Variants in R3HCC1L observed in about 807,000 individuals in gnomAD.
The protein encoded by R3HCC1L is R3H domain and coiled-coil containing 1 like, also known as coiled-coil domain-containing protein R3HCC1L.
R3HCC1L carries 51 observed loss-of-function variants against 59.9 expected under a neutral mutation model. The observed-to-expected ratio is 0.85, with a 90% CI of 0.68 to 1.07. The LOEUF (loss-of-function observed/expected upper bound fraction) is 1.07. Ranked by LOEUF, R3HCC1L falls within the 50% of genes least tolerant of loss-of-function variation. The pLI is 0.00. For synonymous variants in R3HCC1L, 322 were observed against 315.2 expected, an observed-to-expected ratio of 1.02 and a Z score of -0.23; for missense variants, 965 against 933.0, an observed-to-expected ratio of 1.03 and a Z score of -0.45.
At chr10:98,169,050 A>G (rs1158190573) in intron 4 of R3HCC1L, among the ~76,000 whole-genome samples, 1 of 152,208 alleles carries the variant, frequency 6.6e-6, no homozygotes, top group African/African-American at 2.4e-5. Context: ...GAAGTTTCAG[A>G]GACAACAGTG....
chr10:98,144,967 A>C (rs1211925282), intron 1 of R3HCC1L, among the ~76,000 whole-genome samples: 3 of 152,246 alleles, frequency 2.0e-5, no homozygotes, highest in Non-Finnish European at 4.4e-5. Flanking sequence ...TGAGACAAAC[A>C]AGTGATCTTA....
intron 5 of R3HCC1L, among the ~76,000 whole-genome samples, chr10:98,217,832 T>C (rs1854391563): frequency 6.6e-6 from 1 of 152,130 alleles, no homozygotes; most frequent in Non-Finnish European, 1.5e-5. Context: ...AGTGTGCTAT[T>C]GGTGTACAGA....
At chr10:98,137,903 T>C (rs1411962734) in intron 1 of R3HCC1L, among the ~76,000 whole-genome samples, 1 of 152,190 alleles carries the variant, frequency 6.6e-6, no homozygotes, top group East Asian at 1.9e-4. Flanking sequence ...TTATTTTTTT[T>C]AAGCCAGACT....
intron 7 of R3HCC1L, among the ~76,000 whole-genome samples, chr10:98,234,788 G>T (rs1856740751): frequency 6.6e-6 from 1 of 152,188 alleles, no homozygotes; most frequent in Admixed American, 6.5e-5. Context: ...GATTAAGGTA[G>T]AGATTGAAGA....
chr10:98,226,822 T>C (rs1351465258), intron 5 of R3HCC1L, among the ~76,000 whole-genome samples: 1 of 152,270 alleles, frequency 6.6e-6, no homozygotes, highest in Non-Finnish European at 1.5e-5. Flanking sequence ...GTTTAACTGA[T>C]ATCTTCTTGC....
At position 98,234,426 on chromosome 10, in the gene R3HCC1L, A is replaced by AT. The variant is rs756143434; in HGVS notation, c.1962-18dup. On this transcript the variant is annotated intron_variant, in intron 6 of 9. Coordinates refer to ENST00000298999, the MANE Select transcript of R3HCC1L (RefSeq NM_001351015.2). ...AGTAAATTTTATTTTAGGAAATAAA[A>AT]TTGTTTTTTTGTGTTGCAGAAAGAA... 1 of 1,604,216 alleles carries AT rather than the reference A, an allele frequency of 6.2e-7. No homozygotes were observed. The highest frequency in any genetic ancestry group is 1.1e-5 in the South Asian group (1 of 90,354).
chr10:98,242,559 A>T (rs1238872943), intron 9 of R3HCC1L, among the ~76,000 whole-genome samples: 1 of 152,206 alleles, frequency 6.6e-6, no homozygotes, highest in East Asian at 1.9e-4. Context: ...CAAGCTTTAA[A>T]GAAAGCAATA....
At chr10:98,168,156 C>T (rs1339407913) in intron 4 of R3HCC1L, among the ~76,000 whole-genome samples, 2 of 152,102 alleles carry the variant, frequency 1.3e-5, no homozygotes, top group Non-Finnish European at 2.9e-5. Flanking sequence ...TGCCCCCTAC[C>T]GCCAGTTACA....
At chr10:98,193,007 A>G (rs1259823870) in intron 4 of R3HCC1L, among the ~76,000 whole-genome samples, 2 of 152,192 alleles carry the variant, frequency 1.3e-5, no homozygotes, top group East Asian at 1.9e-4. Context: ...AATATATACA[A>G]TATTAACAAC....
chr10:98,206,672 C>T (rs1852710961), intron 4 of R3HCC1L, among the ~76,000 whole-genome samples: 1 of 152,130 alleles, frequency 6.6e-6, no homozygotes, highest in Admixed American at 6.6e-5. Context: ...CCCATTTCAT[C>T]ATTTTATATC....
intron 1 of R3HCC1L, among the ~76,000 whole-genome samples, chr10:98,147,986 C>T (rs1277749968): frequency 6.6e-6 from 1 of 152,024 alleles, no homozygotes; most frequent in African/African-American, 2.4e-5. Flanking sequence ...TGAATCTGTA[C>T]ATTGCTTTGG....
At chr10:98,215,271 T>C (rs958210400) in intron 5 of R3HCC1L, among the ~76,000 whole-genome samples, 2 of 152,238 alleles carry the variant, frequency 1.3e-5, no homozygotes, top group African/African-American at 4.8e-5. Context: ...TCTATTTAAA[T>C]GAATTGGAAA....
chr10:98,140,246 G>A (rs183533786), intron 1 of R3HCC1L, among the ~76,000 whole-genome samples: 9 of 152,240 alleles, frequency 5.9e-5, no homozygotes, highest in African/African-American at 1.7e-4. Flanking sequence ...TATGCCAGTC[G>A]TCCTGTTTCT....
intron 1 of R3HCC1L, among the ~76,000 whole-genome samples, chr10:98,136,201 G>T (rs1844571074): frequency 6.6e-6 from 1 of 151,996 alleles, no homozygotes; most frequent in South Asian, 2.1e-4. Context: ...AGTGTAGTTA[G>T]GTATTTTTAG....
chr10:98,165,503 A>G (rs1156868382), intron 4 of R3HCC1L, among the ~76,000 whole-genome samples: 4 of 152,212 alleles, frequency 2.6e-5, no homozygotes, highest in African/African-American at 4.8e-5. Flanking sequence ...AGACAAATGT[A>G]CATCTTGTTA....
At chr10:98,189,714 G>A (rs1850628275) in intron 4 of R3HCC1L, among the ~76,000 whole-genome samples, 1 of 152,144 alleles carries the variant, frequency 6.6e-6, no homozygotes, top group African/African-American at 2.4e-5. Context: ...TAGTGCAAGT[G>A]CATTTACGGA....
At position 98,208,651 on chromosome 10, in the gene R3HCC1L, A is replaced by G. The variant is rs753726893; in HGVS notation, c.537A>G (p.Pro179=). The G allele has an allele frequency of 4.3e-6, 7 of 1,614,064 alleles. No individual in the cohort carries two copies. The Admixed American group carries it at 5.0e-5, about 12-fold the overall frequency. The change falls in exon 5 of 10, where the codon CCA becomes CCG. Residue 179 remains proline, a synonymous_variant. Transcript: ENST00000298999. The part of the protein sequence containing the change: ...EISEAQVPSK[P]FQNVEFCDFS... ...GCGAGGCTCAAGTTCCAAGCAAACC[A>G]TTCCAAAATGTGGAATTCTGTGACT... is the stretch of plus-strand genomic sequence containing the variant.
intron 4 of R3HCC1L, among the ~76,000 whole-genome samples, chr10:98,207,221 C>T (rs1483070852): frequency 1.3e-5 from 2 of 152,188 alleles, no homozygotes; most frequent in African/African-American, 4.8e-5. Flanking sequence ...TTGTCCTGGA[C>T]AAACTTATCC....
At chr10:98,231,237 T>C (rs1856347795) in intron 5 of R3HCC1L, among the ~76,000 whole-genome samples, 1 of 152,208 alleles carries the variant, frequency 6.6e-6, no homozygotes. Context: ...CTGTGTTTTC[T>C]CGTGTGCTGG....
Sources: gnomAD v4.1 joint callset for allele counts (sites outside exome capture counted in the v4.1 genomes callset) on GRCh38, gnomAD v4.1.1 for gene constraint, MANE v1.5 for transcripts, NCBI Gene and HGNC (gene_info 2026-07-23, HGNC 2026-07-21) for gene names.